The following NOSIP variants were observed in gnomAD, a reference collection of about 807,000 sequenced individuals.
NOSIP encodes the protein nitric oxide synthase interacting protein, also known as nitric oxide synthase-interacting protein.
Under a neutral mutation model 36.4 loss-of-function variants are expected in NOSIP, and 25 were observed. That is an observed-to-expected ratio of 0.69 (90% confidence interval 0.50 to 0.96). The LOEUF (loss-of-function observed/expected upper bound fraction) is 0.96. Among genes scored for constraint, NOSIP ranks in the 40% least tolerant of loss-of-function variants. The pLI is 0.00. For synonymous variants in NOSIP, 187 were observed against 179.2 expected (o/e 1.04, Z -0.35); for missense variants, 370 against 429.0 (o/e 0.86, Z 1.21).
At chr19:49,558,363 C>T (rs1237730269) in intron 4 of NOSIP, 1 of 151,934 alleles carries the variant, frequency 6.6e-6, no homozygotes, top group East Asian at 1.9e-4. Context: ...ATTCTCCTGC[C>T]TCAGCTTCCT....
chr19:49,577,616 T>C (rs1291239470), intron 1 of NOSIP, among the ~76,000 whole-genome samples: 3 of 151,188 alleles, frequency 2.0e-5, no homozygotes, highest in Admixed American at 6.6e-5. Flanking sequence ...ATAAAGTAGC[T>C]GGCTGGGCGC....
intron 4 of NOSIP, 93 bp downstream of exon 4, chr19:49,558,804 A>G (rs1422137903): frequency 3.0e-6 from 3 of 1,005,710 alleles, no homozygotes; most frequent in Admixed American, 1.7e-5. Flanking sequence ...AGGCAGAGGG[A>G]ACTGAGATCA....
chr19:49,565,087 G>A (rs892034492), intron 1 of NOSIP, among the ~76,000 whole-genome samples: 2 of 152,124 alleles, frequency 1.3e-5, no homozygotes, highest in African/African-American at 4.8e-5. Flanking sequence ...ACCAGCCTGA[G>A]CAACATAGCA....
chr19:49,557,564 A>C, intron 4 of NOSIP: 1 of 1,223,096 alleles, frequency 8.2e-7, no homozygotes. Context: ...AGGGTTACAT[A>C]AGGTGAGTGT....
chr19:49,576,444 G>A (rs1477104229), intron 1 of NOSIP, among the ~76,000 whole-genome samples: 1 of 151,998 alleles, frequency 6.6e-6, no homozygotes, highest in African/African-American at 2.4e-5. Flanking sequence ...GGGCATAGTG[G>A]CATGCGCCTG....
At chr19:49,573,848 G>C (rs904171815) in intron 1 of NOSIP, among the ~76,000 whole-genome samples, 1 of 151,094 alleles carries the variant, frequency 6.6e-6, no homozygotes, top group Non-Finnish European at 1.5e-5. Context: ...CTGTCACCAG[G>C]ACTGAAGTAT....
intron 1 of NOSIP, among the ~76,000 whole-genome samples, chr19:49,570,535 C>T (rs2080470632): frequency 6.6e-6 from 1 of 152,090 alleles, no homozygotes; most frequent in South Asian, 2.1e-4. Context: ...GCTAAATACC[C>T]CCTCACGCCC....
At chr19:49,565,396 T>G (rs2080393076) in intron 1 of NOSIP, among the ~76,000 whole-genome samples, 2 of 152,038 alleles carry the variant, frequency 1.3e-5, no homozygotes, top group African/African-American at 4.8e-5. Flanking sequence ...ATGGGTGTGT[T>G]TGCTCTGAAA....
intron 4 of NOSIP, chr19:49,557,671 C>A (rs1027772390): frequency 4.0e-6 from 4 of 1,010,542 alleles, no homozygotes; most frequent in Non-Finnish European, 4.7e-6. Context: ...TGCCCCAGCC[C>A]GTGTTTGGGA....
chr19:49,557,484 C>T (rs1406542408), intron 4 of NOSIP: 1 of 1,337,076 alleles, frequency 7.5e-7, no homozygotes, highest in Non-Finnish European at 9.7e-7. Flanking sequence ...GCACTATGAC[C>T]TCTCCTGGCC....
In NOSIP at chr19:49,559,553, T is replaced by C. The variant is rs145461288; in HGVS notation, c.176+381A>G. ...CTGAAGGTGGCCTTGGGGGCCCTGA[T>C]CATTAATTACTGTCTTCTACAAAAT... On this transcript the variant is annotated intron_variant, in intron 3 of 8. Coordinates refer to ENST00000596358, the MANE Select transcript of NOSIP (RefSeq NM_001270960.2). The C allele has an allele frequency of 3.2e-3, 626 of 193,144 alleles. 3 individuals carry two copies. Among genetic ancestry groups the C allele is most frequent in the Non-Finnish European group, 5.5e-3 (508 of 92,708 alleles). The allele number at this position is 193,144 out of a possible 1,614,324, so 12.0% of individuals were successfully genotyped here.
chr19:49,573,343 A>G (rs2080510506), intron 1 of NOSIP, among the ~76,000 whole-genome samples: 1 of 152,138 alleles, frequency 6.6e-6, no homozygotes, highest in Non-Finnish European at 1.5e-5. Context: ...GCCTCCTCCA[A>G]GAAGCCTGCC....
Position 49,555,576 on chromosome 19 carries a change from T to G in NOSIP, c.*175A>C, listed in dbSNP as rs1266501088. On this transcript the variant is annotated 3_prime_UTR_variant, in exon 9 of 9. Transcript: ENST00000596358. ...GCCTGGCCAGATTTTGTTCTTAATG[T>G]GAGACCACATTCAATATGCTTAGCC... is the stretch of plus-strand genomic sequence containing the variant. The G allele has an allele frequency of 3.5e-6, 2 of 572,280 alleles. No individual in the cohort carries two copies. The highest frequency in any genetic ancestry group is 6.4e-6 in the Non-Finnish European group (2 of 314,724). The allele number at this position is 572,280 out of a possible 1,614,324, so 35.5% of individuals were successfully genotyped here.
At chr19:49,571,345 G>T (rs182029327) in intron 1 of NOSIP, among the ~76,000 whole-genome samples, 3 of 151,916 alleles carry the variant, frequency 2.0e-5, no homozygotes, top group Non-Finnish European at 4.4e-5. Context: ...AAGCGTGAGC[G>T]CCTCCAACCA....
At chr19:49,559,895 C>A (rs1365931588) in intron 3 of NOSIP, 39 bp downstream of exon 3, 2 of 1,504,302 alleles carry the variant, frequency 1.3e-6, no homozygotes, top group South Asian at 2.3e-5. Context: ...TTCCCTTGCT[C>A]TCCCCACCCA....
At position 49,574,921 on chromosome 19, in the gene NOSIP, G is replaced by A. The variant is rs145430655; in HGVS notation, c.-2+5594C>T. 4.6e-3 allele frequency among the ~76,000 whole-genome samples: 678 copies of A among 148,364 alleles called. 3 individuals are homozygous for A. The highest frequency in any genetic ancestry group is 0.016 in the African/African-American group (641 of 39,996). Reference sequence around the variant, plus strand: ...TCTGTCACCCAGGCTGGAGTGCAGTGGCGTGATCTCGGCTCACTGCAAGCT... The same window carrying A: ...TCTGTCACCCAGGCTGGAGTGCAGTAGCGTGATCTCGGCTCACTGCAAGCT... On this transcript the variant is annotated intron_variant, in intron 1 of 8. Coordinates refer to ENST00000596358, the MANE Select transcript of NOSIP (RefSeq NM_001270960.2).
chr19:49,566,966 C>A (rs1424067181), intron 1 of NOSIP, among the ~76,000 whole-genome samples: 1 of 151,430 alleles, frequency 6.6e-6, no homozygotes, highest in South Asian at 2.1e-4. Flanking sequence ...CAGGCGCGCA[C>A]CACCATGCCC....
At position 49,572,137 on chromosome 19, in the gene NOSIP, C is replaced by T. The variant is rs1257122537; in HGVS notation, c.-2+8378G>A. 8.8e-5 allele frequency among the ~76,000 whole-genome samples: 13 copies of T among 147,476 alleles called. No homozygotes were observed. The East Asian group carries it at 2.6e-3, about 30-fold the overall frequency. Reference sequence around the variant, plus strand: ...CTTTTTTTTTTGAGATGGAGTTTCGCTTTTATCACCTAGGGTGGAGTGCAG... The same window carrying T: ...CTTTTTTTTTTGAGATGGAGTTTCGTTTTTATCACCTAGGGTGGAGTGCAG... On this transcript the variant is annotated intron_variant, in intron 1 of 8. Coordinates refer to ENST00000596358, the MANE Select transcript of NOSIP (RefSeq NM_001270960.2).
rs373825269 is a variant in NOSIP at position 49,557,060 on chromosome 19, C to T, written c.418+30G>A. 1.9e-6 allele frequency: 3 copies of T among 1,600,258 alleles called. No homozygotes were observed. The African/African-American group carries it at 4.0e-5, about 21-fold the overall frequency. On this transcript the variant is annotated intron_variant, in intron 5 of 8. Coordinates refer to ENST00000596358, the MANE Select transcript of NOSIP (RefSeq NM_001270960.2). ...CGCCCAGCCCGCGGCGCCCCGCCCC[C>T]CAACCCACAAGAAGCCCAACCTGAG...
Sources: allele counts gnomAD v4.1 joint callset (sites outside exome capture counted in the v4.1 genomes callset), GRCh38; gene constraint gnomAD v4.1.1; transcripts MANE v1.5; gene names NCBI Gene and HGNC (gene_info 2026-07-23, HGNC 2026-07-21).